The following HERC2 variants were observed in gnomAD, a reference collection of about 807,000 sequenced individuals.
HERC2 encodes the protein E3 ubiquitin-protein ligase HERC2.
A neutral mutation model predicts 537.7 loss-of-function variants in HERC2; 102 were observed. That is an observed-to-expected ratio of 0.19 (90% CI 0.16 to 0.22). The LOEUF is 0.22. Among genes scored for constraint, HERC2 ranks in the 10% least tolerant of loss-of-function variants. HERC2 has a pLI of 1.00. For synonymous variants in HERC2, 2,224 were observed against 2,466.2 expected (o/e 0.90, Z 2.91); for missense variants, 4,236 against 6,198.2 (o/e 0.68, Z 10.63).
At chr15:28,255,023 G>A (rs1419880210) in intron 19 of HERC2, among the ~76,000 whole-genome samples, 7 of 152,194 alleles carry the variant, frequency 4.6e-5, no homozygotes, top group Non-Finnish European at 7.3e-5. Flanking sequence ...CAGCACAACC[G>A]TGGCAGCTCT....
At chr15:28,280,007 C>A in intron 5 of HERC2, 61 bp downstream of exon 5, 1 of 1,352,442 alleles carries the variant, frequency 7.4e-7, no homozygotes, top group South Asian at 1.3e-5. Flanking sequence ...CTTTCTGAAA[C>A]AAAACAGTCT....
At position 28,280,200 on chromosome 15, in the gene HERC2, G is replaced by T. The variant is rs762398671; in HGVS notation, c.410C>A (p.Ala137Asp). 4 of 1,614,174 alleles carry T rather than the reference G, an allele frequency of 2.5e-6. No individual in the cohort carries two copies. The highest frequency in any genetic ancestry group is 3.4e-6 in the Non-Finnish European group (4 of 1,180,020). Residue 137 changes from alanine to aspartate, a missense_variant, in exon 5 of 93, where the codon GCC becomes GAC. Ala to Asp is a moderately radical substitution (Grantham distance 126). Transcript: ENST00000261609. ...AVQSATTTLSALRLKQRLVIL... is the reference protein window; with the variant it reads ...AVQSATTTLSDLRLKQRLVIL... ...CACCAGCCTCTGCTTGAGTCGCAGG[G>T]CTGAGAGGGTGGTGGTGGCTGACTG...
intron 23 of HERC2, among the ~76,000 whole-genome samples, chr15:28,245,558 A>T (rs544866331): frequency 1.8e-3 from 219 of 122,754 alleles, no homozygotes; most frequent in East Asian, 8.9e-3. Flanking sequence ...AAAAAAAAAA[A>T]AAATATATAC....
At chr15:28,281,527 G>T (rs1041000031) in intron 4 of HERC2, among the ~76,000 whole-genome samples, 5 of 152,064 alleles carry the variant, frequency 3.3e-5, no homozygotes, top group African/African-American at 1.2e-4. Flanking sequence ...CAGTTTTCTG[G>T]CTACCCACTA....
chr15:28,225,696 C>CAAAAAAAAAAAAAA (rs35629645), intron 35 of HERC2, among the ~76,000 whole-genome samples: 5 of 58,774 alleles, frequency 8.5e-5, no homozygotes, highest in South Asian at 4.8e-4. Context: ...GACTCCGTCT[C>CAAAAAAAAAAAAAA]AAAAAAAAAA....
At position 28,155,350 on chromosome 15, in the gene HERC2, C is replaced by T. The variant is rs995484323; in HGVS notation, c.10747-2520G>A. 3.3e-5 allele frequency among the ~76,000 whole-genome samples: 5 copies of T among 152,248 alleles called. No homozygotes were observed. In the East Asian group the frequency reaches 5.8e-4, roughly 18 times the overall value. ...CCTGAGGAATCGCCACACTGTGTTC[C>T]GCAGTGGTTGAACTAGTTTACACTC... On this transcript the variant is annotated intron_variant, in intron 69 of 92. Transcript: ENST00000261609.
At position 28,256,011 on chromosome 15, in the gene HERC2, G is replaced by C. The variant is rs368323587; in HGVS notation, c.2747-15C>G. 3.1e-5 allele frequency: 49 copies of C among 1,605,474 alleles called. No individual in the cohort carries two copies. Among genetic ancestry groups the C allele is most frequent in the Non-Finnish European group, 3.3e-5 (39 of 1,179,860 alleles). ...ATTGCCTGAAACTGAAATAGAAAGT[G>C]TGTGCCAATTTGAGTGAAACGCCAT... On this transcript the variant is annotated splice_polypyrimidine_tract_variant and intron_variant, in intron 18 of 92. Coordinates refer to ENST00000261609, the MANE Select transcript of HERC2 (RefSeq NM_004667.6).
rs533065656 is a variant in HERC2, at chr15:28,284,156, T to TG, written c.323-3870dup. 5.0e-4 allele frequency among the ~76,000 whole-genome samples: 76 copies of TG among 152,284 alleles called. No homozygotes were observed. In the East Asian group the frequency reaches 0.01, roughly 21 times the overall value. ...TGGAGTGCCAAAAAGTTTCAAATTT[T>TG]GGGGCATTTCAGATTTTGGATTTTG... On this transcript the variant is annotated intron_variant, in intron 4 of 92. Transcript: ENST00000261609.
Position 28,274,453 on chromosome 15 carries a change from C to G in HERC2, c.644-6G>C. The G allele has an allele frequency of 1.2e-6, 2 of 1,603,448 alleles. No individual in the cohort carries two copies. Among genetic ancestry groups the G allele is most frequent in the Non-Finnish European group, 1.7e-6 (2 of 1,175,326 alleles). On this transcript the variant is annotated splice_polypyrimidine_tract_variant and splice_region_variant and intron_variant, in intron 6 of 92. Coordinates refer to ENST00000261609, the MANE Select transcript of HERC2 (RefSeq NM_004667.6). ...GCAGAGGTCCGCATCCTCGCCTGGG[C>G]GCACACACGCGTCAGAGGAGCCCCC...
chr15:28,267,992 A>G (rs1366312955), intron 12 of HERC2, among the ~76,000 whole-genome samples: 1 of 152,248 alleles, frequency 6.6e-6, no homozygotes. Flanking sequence ...CCTGGCATTT[A>G]TAACAACTTT....
At chr15:28,219,822 G>A (rs1900328962) in intron 37 of HERC2, among the ~76,000 whole-genome samples, 1 of 152,202 alleles carries the variant, frequency 6.6e-6, no homozygotes, top group African/African-American at 2.4e-5. Context: ...CCAGCCATGT[G>A]AAGCTTCACA....
chr15:28,124,343 C>CT (rs1889243863), intron 84 of HERC2, 109 bp from the exon 85 acceptor site: 1 of 662,950 alleles, frequency 1.5e-6, no homozygotes, highest in South Asian at 4.2e-5. Context: ...CAGAGAAGCA[C>CT]TATGGTGTCT....
chr15:28,289,659 A>G (rs2076258000), intron 4 of HERC2, among the ~76,000 whole-genome samples: 2 of 152,248 alleles, frequency 1.3e-5, no homozygotes, highest in Admixed American at 1.3e-4. Flanking sequence ...TATCTATGAA[A>G]TGTTTTTAGC....
Position 28,260,200 on chromosome 15 carries a change from AG to A in HERC2, c.2316+576del, listed in dbSNP as rs539143573. ...AAAAAAGAAAAAAAAAAAATGTTTA[AG>A]AAAAAGAAAAGTAAAAAGCATCATG... On this transcript the variant is annotated intron_variant, in intron 16 of 92. Transcript: ENST00000261609. 7.2e-5 allele frequency among the ~76,000 whole-genome samples: 11 copies of A among 152,200 alleles called. No homozygotes were observed. In the South Asian group the frequency reaches 2.3e-3, roughly 32 times the overall value.
At chr15:28,204,347 C>T (rs900224397) in intron 45 of HERC2, among the ~76,000 whole-genome samples, 1 of 152,146 alleles carries the variant, frequency 6.6e-6, no homozygotes, top group African/African-American at 2.4e-5. Context: ...TTTGGCCAGG[C>T]ACGGTGGCTC....
At chr15:28,149,705 A>C (rs1195643000) in intron 70 of HERC2, among the ~76,000 whole-genome samples, 2 of 152,152 alleles carry the variant, frequency 1.3e-5, no homozygotes, top group Non-Finnish European at 2.9e-5. Context: ...TAGAATGGCC[A>C]CATGAACGCA....
At chr15:28,304,936 A>G (rs999282898) in intron 2 of HERC2, among the ~76,000 whole-genome samples, 13 of 142,250 alleles carry the variant, frequency 9.1e-5, no homozygotes, top group Non-Finnish European at 1.2e-4. Flanking sequence ...TCATTGTTCA[A>G]TTCCCACCTA....
intron 83 of HERC2, 141 bp downstream of exon 83, chr15:28,130,022 C>T (rs904108833): frequency 2.1e-6 from 2 of 968,848 alleles, no homozygotes; most frequent in Non-Finnish European, 3.1e-6. Flanking sequence ...ATCCGCCTGC[C>T]TCAGCCTCCC....
At chr15:28,199,983 T>G (rs191396674) in intron 48 of HERC2, among the ~76,000 whole-genome samples, 38 of 152,128 alleles carry the variant, frequency 2.5e-4, no homozygotes, top group Admixed American at 5.2e-4. Flanking sequence ...CCACCAAAAT[T>G]CATGAAGTCC....
Sources: gnomAD v4.1 joint callset for allele counts (sites outside exome capture counted in the v4.1 genomes callset) on GRCh38, gnomAD v4.1.1 for gene constraint, MANE v1.5 for transcripts, NCBI Gene and HGNC (gene_info 2026-07-23, HGNC 2026-07-21) for gene names.